Variants in LETM2 observed in about 807,000 individuals in gnomAD.
The protein encoded by LETM2 is LETM1 domain-containing protein LETM2, mitochondrial.
A neutral mutation model predicts 59.6 loss-of-function variants in LETM2; 58 were observed. The ratio of observed to expected loss-of-function variants is 0.97; its 90% CI spans 0.79 to 1.21. The LOEUF is 1.21. LETM2 is among the 50% of genes most tolerant of loss of function. LETM2 has a pLI of 0.00. For synonymous variants in LETM2, 199 were observed against 214.1 expected, an observed-to-expected ratio of 0.93 and a Z score of 0.62; for missense variants, 572 against 575.7, an observed-to-expected ratio of 0.99 and a Z score of 0.07.
rs144972979 is a variant in LETM2 at position 38,400,937 on chromosome 8, G to A, written c.868G>A (p.Asp290Asn). The part of the protein sequence containing the change: ...FEDQLALEHL[D>N]RPQLVALCKL... ...GGACCAGCTGGCCCTGGAACACTTA[G>A]ATCGCCCTCAGCTGGTTGCCCTTTG... The change falls in exon 6 of 11, where the codon GAT (aspartate) becomes AAT (asparagine). Residue 290 changes from aspartate to asparagine, a missense_variant. Coordinates refer to ENST00000379957, the MANE Select transcript of LETM2 (RefSeq NM_001286819.2). The A allele has an allele frequency of 3.4e-4, 541 of 1,614,184 alleles. 3 individuals carry two copies. The African/African-American group carries it at 6.0e-3, about 18-fold the overall frequency.
chr8:38,392,283 G>A (rs975802363), intron 2 of LETM2, among the ~76,000 whole-genome samples: 2 of 152,084 alleles, frequency 1.3e-5, no homozygotes, highest in African/African-American at 4.8e-5. Context: ...AAATTAGCTG[G>A]GCATGGTGGC....
At chr8:38,397,485 G>A (rs1812780872) in intron 4 of LETM2, among the ~76,000 whole-genome samples, 1 of 152,226 alleles carries the variant, frequency 6.6e-6, no homozygotes, top group Non-Finnish European at 1.5e-5. Context: ...CATTTAACAT[G>A]GCTCAGTGGC....
chr8:38,391,873 G>T (rs940612432), intron 2 of LETM2, among the ~76,000 whole-genome samples: 2 of 151,762 alleles, frequency 1.3e-5, no homozygotes, highest in African/African-American at 2.4e-5. Context: ...TGTATTTTTA[G>T]TAGAGACAGG....
chr8:38,408,120 C>G, intron 10 of LETM2, 92 bp from the exon 11 acceptor site: 1 of 880,342 alleles, frequency 1.1e-6, no homozygotes, highest in East Asian at 2.7e-5. Context: ...TTTGTGGTCA[C>G]TATTTTGATT....
In LETM2 at chr8:38,400,360, G is replaced by A; in HGVS notation, c.734G>A (p.Arg245Lys). The change falls in exon 5 of 11, where the codon AGA (arginine) becomes AAA (lysine). Residue 245 changes from arginine (R) to lysine (K), a missense_variant. Coordinates refer to ENST00000379957, the MANE Select transcript of LETM2 (RefSeq NM_001286819.2). The part of the protein sequence containing the change: ...ETMTEMARRN[R>K]AKMGDASTQL... ...ATGACAGAAATGGCAAGGAGGAACAGAGCCAAGATGGGCGATGCCTCTACA... is the reference window on the plus strand; with the variant it reads ...ATGACAGAAATGGCAAGGAGGAACAAAGCCAAGATGGGCGATGCCTCTACA... 1 of 1,613,548 alleles carries A rather than the reference G, an allele frequency of 6.2e-7. No homozygotes were observed. The highest frequency in any genetic ancestry group is 1.3e-5 in the African/African-American group (1 of 75,024).
In LETM2 at chr8:38,409,458, C is replaced by G. The variant is rs1450347186; in HGVS notation, c.*1184C>G. The G allele has an allele frequency of 6.6e-6, 1 of 152,208 alleles. No individual in the cohort carries two copies. The highest frequency in any genetic ancestry group is 1.9e-4 in the East Asian group (1 of 5,198). 9.4% of individuals were successfully genotyped at this position (152,208 alleles called of 1,614,324 possible). A position where few individuals can be genotyped will look rare whatever the true frequency, so the allele number is the denominator to read the frequency against. On this transcript the variant is annotated 3_prime_UTR_variant, in exon 11 of 11. Transcript: ENST00000379957. ...GTTCTTTGGGAATGATGAATCCCTA[C>G]TGTGCACATACAGCAATCATGGATC...
chr8:38,407,900 C>T (rs1307478065), intron 10 of LETM2: 1 of 386,090 alleles, frequency 2.6e-6, no homozygotes, highest in Non-Finnish European at 4.8e-6. Flanking sequence ...GAGCACAGGG[C>T]ATGAAGAGAG....
chr8:38,390,249 G>A (rs1255059571), intron 2 of LETM2, among the ~76,000 whole-genome samples: 4 of 151,876 alleles, frequency 2.6e-5, no homozygotes, highest in African/African-American at 7.3e-5. Context: ...TTGGGAGGCC[G>A]AGGTAGGAAG....
At chr8:38,401,517 C>T (rs2016875) in intron 6 of LETM2, 1 of 172,964 alleles carries the variant, frequency 5.8e-6, no homozygotes, top group Non-Finnish European at 1.3e-5. Context: ...ACCATGACAA[C>T]CTGAACCTTG....
At chr8:38,407,281 T>C in intron 9 of LETM2, 81 bp from the exon 10 acceptor site, 1 of 1,113,980 alleles carries the variant, frequency 9.0e-7, no homozygotes, top group South Asian at 1.3e-5. Flanking sequence ...GACAAGTTCC[T>C]GGTAGTCAAG....
At chr8:38,404,315 C>T in intron 7 of LETM2, 78 bp from the exon 8 acceptor site, 1 of 993,754 alleles carries the variant, frequency 1.0e-6, no homozygotes, top group Non-Finnish European at 1.6e-6. Flanking sequence ...AGCTGTCAGC[C>T]AGGGAGGGTA....
At chr8:38,401,805 G>A (rs1813253195) in intron 6 of LETM2, 1 of 152,766 alleles carries the variant, frequency 6.5e-6, no homozygotes, top group South Asian at 2.1e-4. Flanking sequence ...GGGAGGAAAA[G>A]CAGAGCCTCA....
chr8:38,398,920 G>GT (rs1208573171), intron 4 of LETM2, among the ~76,000 whole-genome samples: 1 of 151,850 alleles, frequency 6.6e-6, no homozygotes, highest in Non-Finnish European at 1.5e-5. Context: ...GGGTTTCACC[G>GT]TGACAGGCCA....
intron 3 of LETM2, 132 bp downstream of exon 3, chr8:38,393,127 C>G: frequency 1.3e-6 from 1 of 751,514 alleles, no homozygotes; most frequent in Non-Finnish European, 2.1e-6. Flanking sequence ...TGGTGAGAAC[C>G]AGTTTCTTGT....
Position 38,406,999 on chromosome 8 carries a change from G to A in LETM2, c.1272G>A (p.Glu424=). 1 of 1,612,236 alleles carries A rather than the reference G, an allele frequency of 6.2e-7. No individual in the cohort carries two copies. The highest frequency in any genetic ancestry group is 1.1e-5 in the South Asian group (1 of 91,038). ...TACCTACTTTCACTGAATCTAAAGAGAACATGGTGGATCTTGCACCTCAAC... is the reference window on the plus strand; with the variant it reads ...TACCTACTTTCACTGAATCTAAAGAAAACATGGTGGATCTTGCACCTCAAC... ...VELPTFTESK[E]NMVDLAPQLK... Residue 424 remains glutamate (E), a synonymous_variant, in exon 9 of 11, where the codon GAG becomes GAA. Transcript: ENST00000379957.
At chr8:38,399,332 T>C (rs188553251) in intron 4 of LETM2, among the ~76,000 whole-genome samples, 2 of 152,328 alleles carry the variant, frequency 1.3e-5, no homozygotes, top group Non-Finnish European at 2.9e-5. Flanking sequence ...CTCACTGTAT[T>C]GTAATTACTT....
At chr8:38,398,193 A>T (rs1812844436) in intron 4 of LETM2, among the ~76,000 whole-genome samples, 1 of 152,080 alleles carries the variant, frequency 6.6e-6, no homozygotes, top group African/African-American at 2.4e-5. Flanking sequence ...TTCACAGGAT[A>T]AATCAAATTA....
chr8:38,393,982 C>A, intron 3 of LETM2, 116 bp from the exon 4 acceptor site: 1 of 862,310 alleles, frequency 1.2e-6, no homozygotes, highest in Non-Finnish European at 1.6e-6. Flanking sequence ...TAGTGAGACA[C>A]TATCTCTTGA....
At chr8:38,407,942 G>A (rs1813864137) in intron 10 of LETM2, 4 of 435,376 alleles carry the variant, frequency 9.2e-6, no homozygotes, top group Non-Finnish European at 1.7e-5. Context: ...GAGAGTTGAA[G>A]TGGGAAGTGG....
Sources: allele counts gnomAD v4.1 joint callset (sites outside exome capture counted in the v4.1 genomes callset), GRCh38; gene constraint gnomAD v4.1.1; transcripts MANE v1.5; gene names NCBI Gene and HGNC (gene_info 2026-07-23, HGNC 2026-07-21).